Variants in SLC39A11 observed in about 807,000 individuals in gnomAD.
SLC39A11 encodes the protein zinc transporter ZIP11.
SLC39A11 carries 33 observed loss-of-function variants against 36.1 expected under a neutral mutation model. That is an observed-to-expected ratio of 0.91 (90% CI 0.69 to 1.22). The LOEUF (loss-of-function observed/expected upper bound fraction) is 1.22, where lower values mean the gene tolerates loss of function less well. SLC39A11 is among the 50% of genes most tolerant of loss of function. The pLI is 0.00. For synonymous variants in SLC39A11, 166 were observed against 170.3 expected (o/e 0.97, Z 0.20); for missense variants, 432 against 430.3 (o/e 1.00, Z -0.03).
intron 7 of SLC39A11, among the ~76,000 whole-genome samples, chr17:72,729,430 T>TA (rs2074090358): frequency 3.1e-4 from 1 of 3,184 alleles, no homozygotes; most frequent in Non-Finnish European, 7.8e-4. Flanking sequence ...TATATATATA[T>TA]ATATATATAT....
intron 6 of SLC39A11, among the ~76,000 whole-genome samples, chr17:72,770,479 A>G (rs1009183359): frequency 6.6e-6 from 1 of 152,112 alleles, no homozygotes; most frequent in Non-Finnish European, 1.5e-5. Context: ...AGCCTGACCT[A>G]ATGTTCTTAG....
chr17:72,967,399 A>AGAGAGAGAGAGAGAGAGAGAGAGT (rs143987646), intron 4 of SLC39A11, among the ~76,000 whole-genome samples: 10 of 138,192 alleles, frequency 7.2e-5, no homozygotes, highest in African/African-American at 2.2e-4. Flanking sequence ...AGAGAGAGAG[A>AGAGAGAGAGAGAGAGAGAGAGAGT]GTGTGTGTGT....
chr17:72,714,967 C>T (rs1222607365), intron 7 of SLC39A11, among the ~76,000 whole-genome samples: 1 of 152,228 alleles, frequency 6.6e-6, no homozygotes, highest in African/African-American at 2.4e-5. Context: ...TTCAAAACCA[C>T]TTCACCTCGC....
chr17:72,745,805 G>A (rs896015931), intron 6 of SLC39A11, among the ~76,000 whole-genome samples: 2 of 152,112 alleles, frequency 1.3e-5, no homozygotes, highest in Admixed American at 6.5e-5. Flanking sequence ...GTGATGCTAC[G>A]ACTTTTCCTC....
At chr17:73,053,672 C>T (rs2059579823) in intron 3 of SLC39A11, among the ~76,000 whole-genome samples, 2 of 152,160 alleles carry the variant, frequency 1.3e-5, no homozygotes, top group Admixed American at 6.5e-5. Context: ...GGATCAAACC[C>T]AAGCAAGGTG....
At chr17:72,856,581 G>C (rs752811327) in intron 5 of SLC39A11, among the ~76,000 whole-genome samples, 4 of 151,660 alleles carry the variant, frequency 2.6e-5, no homozygotes, top group Non-Finnish European at 4.4e-5. Flanking sequence ...AGACATTATA[G>C]GGCTTTAAAA....
chr17:72,824,234 A>G (rs1053044241), intron 6 of SLC39A11, among the ~76,000 whole-genome samples: 9 of 150,794 alleles, frequency 6.0e-5, no homozygotes, highest in African/African-American at 2.2e-4. Flanking sequence ...CATTGTTTAA[A>G]AGTGTGTAGC....
At chr17:73,050,980 G>C (rs2059477921) in intron 3 of SLC39A11, among the ~76,000 whole-genome samples, 1 of 152,206 alleles carries the variant, frequency 6.6e-6, no homozygotes, top group South Asian at 2.1e-4. Context: ...TCCAGTAAAA[G>C]AGAATGTATT....
intron 7 of SLC39A11, among the ~76,000 whole-genome samples, chr17:72,728,846 C>T (rs560066191): frequency 1.6e-4 from 25 of 152,258 alleles, no homozygotes; most frequent in Middle Eastern, 3.4e-3. Context: ...GATTAACCTA[C>T]GTCTCCTTGT....
intron 5 of SLC39A11, among the ~76,000 whole-genome samples, chr17:72,943,740 T>C (rs1204580741): frequency 1.3e-5 from 2 of 152,224 alleles, no homozygotes; most frequent in East Asian, 3.8e-4. Context: ...CCTATGCTAA[T>C]AGACCGATGA....
chr17:72,933,666 C>T (rs937850865), intron 5 of SLC39A11, among the ~76,000 whole-genome samples: 14 of 152,014 alleles, frequency 9.2e-5, no homozygotes, highest in African/African-American at 2.7e-4. Flanking sequence ...ATTACAGGCG[C>T]GCACCACCAA....
intron 3 of SLC39A11, among the ~76,000 whole-genome samples, chr17:73,065,002 GT>G (rs1568215765): frequency 6.6e-6 from 1 of 152,076 alleles, no homozygotes; most frequent in Non-Finnish European, 1.5e-5. Context: ...CAGTCAAAGT[GT>G]CTTTATAGCC....
chr17:72,928,507 T>A (rs772634979), intron 5 of SLC39A11, among the ~76,000 whole-genome samples: 1 of 151,956 alleles, frequency 6.6e-6, no homozygotes. Context: ...AAGGAAGACA[T>A]GAGAATTTGA....
intron 7 of SLC39A11, among the ~76,000 whole-genome samples, chr17:72,699,868 C>A (rs868798816): frequency 9.2e-5 from 14 of 152,236 alleles, no homozygotes; most frequent in Middle Eastern, 3.4e-3. Flanking sequence ...CACTAGCTTT[C>A]GGGTTTGCTA....
chr17:72,675,684 G>A lies in SLC39A11; in HGVS notation c.672-26416C>T, dbSNP rs549516490. Among the ~76,000 whole-genome samples, 13 of 124,178 alleles carry A rather than the reference G, an allele frequency of 1.0e-4. No homozygotes were observed. In the East Asian group the frequency reaches 2.4e-3, roughly 23 times the overall value. 81.5% of individuals were successfully genotyped at this position (124,178 alleles called of 152,430 possible). A position where few individuals can be genotyped will look rare whatever the true frequency, so the allele number is the denominator to read the frequency against. ...CAGTGTGTGATGCCCGGCGCCAGAT[G>A]TCCCAATTGTGTGTGTAAGATGGTG... is the stretch of plus-strand genomic sequence containing the variant. On this transcript the variant is annotated intron_variant, in intron 7 of 9. Transcript: ENST00000255559.
At chr17:72,658,543 C>T (rs982248346) in intron 7 of SLC39A11, among the ~76,000 whole-genome samples, 2 of 152,186 alleles carry the variant, frequency 1.3e-5, no homozygotes, top group Non-Finnish European at 2.9e-5. Context: ...TCCTACTACC[C>T]CCCACCCATC....
chr17:73,084,960 C>G lies in SLC39A11; in HGVS notation c.109-114G>C, dbSNP rs1466964745. ...CCACGCAAATAAAGACTGGCCGACT[C>G]CTGAGCTCGTGAGCTACTCAGTTTA... On this transcript the variant is annotated intron_variant, in intron 2 of 9. Coordinates refer to ENST00000255559, the MANE Select transcript of SLC39A11 (RefSeq NM_139177.4). 2.8e-6 allele frequency: 3 copies of G among 1,069,962 alleles called. No individual in the cohort carries two copies. The African/African-American group carries it at 4.7e-5, about 17-fold the overall frequency. 66.3% of individuals were successfully genotyped at this position (1,069,962 alleles called of 1,614,324 possible).
At chr17:73,012,901 C>T (rs1169183584) in intron 4 of SLC39A11, among the ~76,000 whole-genome samples, 2 of 151,852 alleles carry the variant, frequency 1.3e-5, no homozygotes, top group South Asian at 2.1e-4. Flanking sequence ...CAGGTTCAAG[C>T]GATTCTCCTG....
chr17:72,890,419 T>C (rs2081672167), intron 5 of SLC39A11, among the ~76,000 whole-genome samples: 1 of 152,082 alleles, frequency 6.6e-6, no homozygotes. Context: ...TGAAGCAAAA[T>C]CAGCAGGGCT....
Sources: gnomAD v4.1 joint callset for allele counts (sites outside exome capture counted in the v4.1 genomes callset) on GRCh38, gnomAD v4.1.1 for gene constraint, MANE v1.5 for transcripts, NCBI Gene and HGNC (gene_info 2026-07-23, HGNC 2026-07-21) for gene names.